DBNL: variants seen among roughly 807,000 people sequenced by gnomAD.
DBNL encodes drebrin like.
In DBNL, 35 loss-of-function variants were observed where a neutral mutation model predicts 62.2. The ratio of observed to expected loss-of-function variants is 0.56; its 90% CI spans 0.43 to 0.75. DBNL has a LOEUF of 0.75. Among genes scored for constraint, DBNL ranks in the 30% least tolerant of loss-of-function variants. The probability of loss-of-function intolerance (pLI) is 0.00; values close to 1 mark genes in which losing one functional copy is unlikely to be tolerated. For synonymous variants in DBNL, 197 were observed against 218.0 expected (o/e 0.90, Z 0.85); for missense variants, 495 against 578.4 (o/e 0.86, Z 1.48).
intron 6 of DBNL, 121 bp downstream of exon 6, chr7:44,057,980 C>T: frequency 6.5e-7 from 1 of 1,533,214 alleles, no homozygotes; most frequent in Non-Finnish European, 8.8e-7. Context: ...CAGATGGTCA[C>T]ACTGAGGCTC....
chr7:44,053,505 G>A (rs902490699), intron 4 of DBNL, among the ~76,000 whole-genome samples: 1 of 152,172 alleles, frequency 6.6e-6, no homozygotes, highest in African/African-American at 2.4e-5. Flanking sequence ...CATTTCTTCA[G>A]CTATACCTCA....
chr7:44,052,724 A>G, intron 3 of DBNL, 143 bp from the exon 4 acceptor site: 1 of 944,480 alleles, frequency 1.1e-6, no homozygotes, highest in South Asian at 1.6e-5. Context: ...TACCTCACCC[A>G]TGTGATGCAG....
Position 44,059,700 on chromosome 7 carries a change from T to C in DBNL, c.1047+42T>C, listed in dbSNP as rs201977454. The C allele has an allele frequency of 1.2e-4, 183 of 1,540,026 alleles. No homozygotes were observed. The highest frequency in any genetic ancestry group is 1.5e-4 in the Non-Finnish European group (173 of 1,144,684). ...GGGCTGGGGCCAGGAAGGGGCTGCA[T>C]ACTCAGGAACACTTATCACGGGCCG... is the stretch of plus-strand genomic sequence containing the variant. On this transcript the variant is annotated intron_variant, in intron 11 of 12. Coordinates refer to ENST00000448521, the MANE Select transcript of DBNL (RefSeq NM_001014436.3). The surrounding 1 kb of genome is among the most constrained non-coding windows in gnomAD (Gnocchi z 4.1).
chr7:44,058,538 G>A, intron 8 of DBNL, 58 bp downstream of exon 8: 2 of 1,598,460 alleles, frequency 1.3e-6, no homozygotes, highest in African/African-American at 1.3e-5. Context: ...AGAAGTCCCT[G>A]ATCTCGGATT....
intron 1 of DBNL, among the ~76,000 whole-genome samples, chr7:44,046,674 C>T (rs1375339307): frequency 1.3e-5 from 2 of 152,224 alleles, no homozygotes; most frequent in Non-Finnish European, 2.9e-5. Context: ...GCAGCATAAC[C>T]CACTGACCTC....
In DBNL at chr7:44,065,451, C is replaced by T. The variant is rs763053215; in HGVS notation, c.*4535C>T. On this transcript the variant is annotated 3_prime_UTR_variant, in exon 13 of 13. Coordinates refer to ENST00000448521, the MANE Select transcript of DBNL (RefSeq NM_001014436.3). ...GTCCCCTTTTCACTCAGCTCTGCAT[C>T]GAACCAGCCACAGAAACGGTTCTCC... The T allele has an allele frequency of 3.1e-6, 5 of 1,614,054 alleles. No individual in the cohort carries two copies. The highest frequency in any genetic ancestry group is 3.3e-5 in the Admixed American group (2 of 60,030).
rs1051644097 is a variant in DBNL at position 44,062,616 on chromosome 7, G to C, written c.*1700G>C. The C allele has an allele frequency of 2.6e-6, 2 of 769,660 alleles. No homozygotes were observed. The highest frequency in any genetic ancestry group is 3.4e-5 in the African/African-American group (2 of 58,166). 47.7% of individuals were successfully genotyped at this position (769,660 alleles called of 1,614,324 possible). A position where few individuals can be genotyped will look rare whatever the true frequency, so the allele number is the denominator to read the frequency against. ...TGTGGGTACTAGGCTCCTGCCCCTGGTGACACACGTATGGAGTGGGGGAGG... is the reference window on the plus strand; with the variant it reads ...TGTGGGTACTAGGCTCCTGCCCCTGCTGACACACGTATGGAGTGGGGGAGG... On this transcript the variant is annotated 3_prime_UTR_variant, in exon 13 of 13. Transcript: ENST00000448521.
At chr7:44,058,362 G>C (rs375372668) in intron 7 of DBNL, 70 bp from the exon 8 acceptor site, 35 of 1,611,866 alleles carry the variant, frequency 2.2e-5, no homozygotes, top group Non-Finnish European at 3.0e-5. Flanking sequence ...GAGGCGAGGA[G>C]GACTAAGGGG....
intron 1 of DBNL, chr7:44,050,018 C>G: frequency 1.9e-6 from 1 of 521,702 alleles, no homozygotes; most frequent in Admixed American, 3.2e-5. Context: ...CCAGTGTCCT[C>G]CCAGCTGCAG....
chr7:44,048,324 G>A (rs1229595848), intron 1 of DBNL, among the ~76,000 whole-genome samples: 1 of 152,212 alleles, frequency 6.6e-6, no homozygotes, highest in East Asian at 1.9e-4. Flanking sequence ...AAGAGGAATG[G>A]GCTTCTTTCC....
chr7:44,065,889 C>T lies in DBNL; in HGVS notation c.*4973C>T, dbSNP rs62458757. 2 of 406,576 alleles carry T rather than the reference C, an allele frequency of 4.9e-6. No homozygotes were observed. The highest frequency in any genetic ancestry group is 9.3e-6 in the Non-Finnish European group (2 of 215,036). 25.2% of individuals were successfully genotyped at this position (406,576 alleles called of 1,614,324 possible). A position where few individuals can be genotyped will look rare whatever the true frequency, so the allele number is the denominator to read the frequency against. ...GATGGGGATAGCAGGGACAGAGGGG[C>T]TCTCCAGGGCAACGCTCAGTGGCCT... is the stretch of plus-strand genomic sequence containing the variant. On this transcript the variant is annotated 3_prime_UTR_variant, in exon 13 of 13. Transcript: ENST00000448521.
At chr7:44,045,010 C>T in intron 1 of DBNL, 190 bp downstream of exon 1, 1 of 514,026 alleles carries the variant, frequency 1.9e-6, no homozygotes, top group Non-Finnish European at 3.2e-6. Context: ...GACCCCTTGC[C>T]CCGCCGATCG....
At position 44,062,977 on chromosome 7, in the gene DBNL, G is replaced by A. The variant is rs774594335; in HGVS notation, c.*2061G>A. On this transcript the variant is annotated 3_prime_UTR_variant, in exon 13 of 13. Coordinates refer to ENST00000448521, the MANE Select transcript of DBNL (RefSeq NM_001014436.3). ...TCCTTAGCCCCTCTGTCCCCAGCCT[G>A]TTTACACAGCAGACACTATGTGACC... 8.8e-6 allele frequency: 14 copies of A among 1,593,810 alleles called. No individual in the cohort carries two copies. Among genetic ancestry groups the A allele is most frequent in the Non-Finnish European group, 1.2e-5 (14 of 1,161,638 alleles).
rs1349240045 is a variant in DBNL, at chr7:44,061,245, C to T, written c.*329C>T. The T allele has an allele frequency of 6.6e-6, 2 of 302,014 alleles. No homozygotes were observed. The highest frequency in any genetic ancestry group is 1.3e-4 in the East Asian group (2 of 15,172). The allele number at this position is 302,014 out of a possible 1,614,324, so 18.7% of individuals were successfully genotyped here. A position where few individuals can be genotyped will look rare whatever the true frequency, so the allele number is the denominator to read the frequency against. ...GGGGAAGGGTCCTGAGCAGGGGCATCTGGGAGGCTCTGGCTGCCTTCTGCA... is the reference window on the plus strand; with the variant it reads ...GGGGAAGGGTCCTGAGCAGGGGCATTTGGGAGGCTCTGGCTGCCTTCTGCA... On this transcript the variant is annotated 3_prime_UTR_variant, in exon 13 of 13. Transcript: ENST00000448521.
At chr7:44,048,773 C>T (rs1033036256) in intron 1 of DBNL, among the ~76,000 whole-genome samples, 15 of 152,240 alleles carry the variant, frequency 9.9e-5, no homozygotes, top group Non-Finnish European at 1.9e-4. Flanking sequence ...CAGCCCATGT[C>T]CAGCAGCCCT....
chr7:44,054,515 A>G (rs2096132496), intron 4 of DBNL, among the ~76,000 whole-genome samples: 3 of 152,200 alleles, frequency 2.0e-5, no homozygotes, highest in Admixed American at 2.0e-4. Flanking sequence ...AAATTGATAT[A>G]TAATAGTTGT....
chr7:44,058,235 G>A lies in DBNL; in HGVS notation c.659G>A (p.Arg220Gln), dbSNP rs866677337. ...CGTGAGCTGCGTGAGGCTGCACGCC[G>A]GGAGCAGCGCTATCAGGAGCAGGGT... is the stretch of plus-strand genomic sequence containing the variant. ...RERELREAARREQRYQEQGGE... is the reference protein window; with the variant it reads ...RERELREAARQEQRYQEQGGE... The change falls in exon 7 of 13, where the codon CGG becomes CAG. Residue 220 changes from arginine to glutamine, a missense_variant. By Grantham distance (43) the Arg-to-Gln change is conservative. Transcript: ENST00000448521. 5 of 1,577,936 alleles carry A rather than the reference G, an allele frequency of 3.2e-6. No individual in the cohort carries two copies. Among genetic ancestry groups the A allele is most frequent in the Admixed American group, 1.9e-5 (1 of 53,724 alleles).
chr7:44,064,967 C>T lies in DBNL; in HGVS notation c.*4051C>T, dbSNP rs763664797. ...CGGGCAATGGTGTCCTTGAGGCTCT[C>T]GCAGGTGGGGAGTTCCCCGGGCTTC... On this transcript the variant is annotated 3_prime_UTR_variant, in exon 13 of 13. Coordinates refer to ENST00000448521, the MANE Select transcript of DBNL (RefSeq NM_001014436.3). The T allele has an allele frequency of 2.9e-5, 46 of 1,607,888 alleles. No individual in the cohort carries two copies. The highest frequency in any genetic ancestry group is 3.1e-5 in the Non-Finnish European group (37 of 1,179,648).
rs775321579 is a variant in DBNL, at chr7:44,065,064, C to T, written c.*4148C>T. The T allele has an allele frequency of 1.5e-5, 24 of 1,610,600 alleles. No homozygotes were observed. The Admixed American group carries it at 2.2e-4, about 15-fold the overall frequency. On this transcript the variant is annotated 3_prime_UTR_variant, in exon 13 of 13. Transcript: ENST00000448521. ...CCTCCCAAGCCAGTGGGCCCCCACC[C>T]GACTCCCCACTCTGCAGCTTCCCAG...
Sources: gnomAD v4.1 joint callset for allele counts (sites outside exome capture counted in the v4.1 genomes callset) on GRCh38, gnomAD v4.1.1 for gene constraint, Gnocchi (gnomAD v3.1) non-coding constraint, MANE v1.5 for transcripts, NCBI Gene and HGNC (gene_info 2026-07-23, HGNC 2026-07-21) for gene names.